DERA: variants seen among roughly 807,000 people sequenced by gnomAD.
DERA encodes the protein 2-deoxy-D-ribose 5-phosphate aldolase.
In DERA, 15 loss-of-function variants were observed where a neutral mutation model predicts 41.1. The ratio of observed to expected loss-of-function variants is 0.37; its 90% CI spans 0.24 to 0.56. DERA has a LOEUF of 0.56. DERA is among the 20% of genes least tolerant of loss of function. The pLI is 0.81. For missense variants in DERA, 396 were observed against 403.4 expected, an observed-to-expected ratio of 0.98 and a Z score of 0.16; for synonymous variants, 139 against 137.4, an observed-to-expected ratio of 1.01 and a Z score of -0.08.
intron 1 of DERA, among the ~76,000 whole-genome samples, chr12:15,946,045 C>A (rs561625687): frequency 3.5e-4 from 54 of 152,134 alleles, no homozygotes; most frequent in Middle Eastern, 6.8e-3. Flanking sequence ...GATTTGTGTA[C>A]GTTGAACCAG....
chr12:16,028,905 C>G (rs1405767543), intron 6 of DERA, among the ~76,000 whole-genome samples: 2 of 151,902 alleles, frequency 1.3e-5, no homozygotes, highest in African/African-American at 4.8e-5. Flanking sequence ...GGAGGCCTGA[C>G]AAATGTAGTA....
rs1471057106 is a variant in DERA, at chr12:15,918,967, G to A, written c.31+7553G>A. ...TTATACTATAATGGCTAAGAGTAAT[G>A]TTTTCATGAAGAAAGAAAAAAAATC... On this transcript the variant is annotated intron_variant, in intron 1 of 8. Coordinates refer to ENST00000428559, the MANE Select transcript of DERA (RefSeq NM_015954.4). The surrounding 1 kb of genome is among the most constrained non-coding windows in gnomAD (Gnocchi z 4.3). 1.3e-5 allele frequency among the ~76,000 whole-genome samples: 2 copies of A among 152,048 alleles called. No individual in the cohort carries two copies. Among genetic ancestry groups the A allele is most frequent in the Non-Finnish European group, 2.9e-5 (2 of 68,028 alleles).
intron 6 of DERA, among the ~76,000 whole-genome samples, chr12:16,024,662 G>A (rs1158131762): frequency 1.3e-5 from 2 of 150,636 alleles, no homozygotes; most frequent in Non-Finnish European, 2.9e-5. Flanking sequence ...AGCTCTGTCA[G>A]CTGTAATCCA....
At chr12:16,007,439 C>T (rs1364659791) in intron 6 of DERA, among the ~76,000 whole-genome samples, 4 of 152,202 alleles carry the variant, frequency 2.6e-5, no homozygotes, top group Non-Finnish European at 4.4e-5. Flanking sequence ...CTGCCTCAGC[C>T]TCCCAAAGTG....
rs1203152056 is a variant in DERA, at chr12:15,984,717, A to C, written c.637+2281A>C. Among the ~76,000 whole-genome samples the C allele has an allele frequency of 6.6e-6, 1 of 152,188 alleles. No individual in the cohort carries two copies. Among genetic ancestry groups the C allele is most frequent in the South Asian group, 2.1e-4 (1 of 4,826 alleles). ...ACACACTAGATTTTATCATGAATGA[A>C]AGACACAATCTTTGTGAGGCATAAT... On this transcript the variant is annotated intron_variant, in intron 6 of 8. Coordinates refer to ENST00000428559, the MANE Select transcript of DERA (RefSeq NM_015954.4). This position sits in a 1 kb window ranked among gnomAD's most constrained non-coding sequence, Gnocchi z 4.5.
rs1210544753 is a variant in DERA, at chr12:16,025,163, A to T, written c.638-7379A>T. 3.9e-5 allele frequency among the ~76,000 whole-genome samples: 6 copies of T among 152,292 alleles called. No homozygotes were observed. The East Asian group carries it at 1.2e-3, about 29-fold the overall frequency. On this transcript the variant is annotated intron_variant, in intron 6 of 8. Transcript: ENST00000428559. The stretch of plus-strand genomic sequence containing the variant: ...AATAGGTGTCAAAATTAACCAAAAA[A>T]ATGCAACAAATGGAAAAGTAATAAA...
At chr12:15,987,120 G>A (rs778208818) in intron 6 of DERA, among the ~76,000 whole-genome samples, 11 of 151,578 alleles carry the variant, frequency 7.3e-5, no homozygotes, top group Non-Finnish European at 1.2e-4. Flanking sequence ...GACCACAACC[G>A]ACCTAAGTAT....
rs1389558867 is a variant in DERA at position 15,982,740 on chromosome 12, T to TA, written c.637+305dup. ...TTCTTTGATTATTCACTCATCAACATATGTTAGACAGGAATTTCTTTGACT... is the reference window on the plus strand; with the variant it reads ...TTCTTTGATTATTCACTCATCAACATAATGTTAGACAGGAATTTCTTTGACT... On this transcript the variant is annotated intron_variant, in intron 6 of 8. Transcript: ENST00000428559. This position sits in a 1 kb window ranked among gnomAD's most constrained non-coding sequence, Gnocchi z 4.0. 6.6e-6 allele frequency among the ~76,000 whole-genome samples: 1 copy of TA among 152,204 alleles called. No homozygotes were observed. Among genetic ancestry groups the TA allele is most frequent in the Non-Finnish European group, 1.5e-5 (1 of 68,030 alleles).
intron 6 of DERA, among the ~76,000 whole-genome samples, chr12:16,007,630 G>C (rs760220631): frequency 6.6e-6 from 1 of 152,186 alleles, no homozygotes; most frequent in Non-Finnish European, 1.5e-5. Flanking sequence ...GGTTAGTGAG[G>C]CAGGCATGGC....
intron 4 of DERA, among the ~76,000 whole-genome samples, chr12:15,962,403 A>C (rs905289792): frequency 3.9e-5 from 6 of 152,348 alleles, no homozygotes; most frequent in Non-Finnish European, 8.8e-5. Context: ...AAATCAAGAT[A>C]GCTAACTTGA....
Position 16,021,895 on chromosome 12 carries a change from G to A in DERA, c.638-10647G>A, listed in dbSNP as rs931848736. The stretch of plus-strand genomic sequence containing the variant: ...CTTGTTTTTGATCTCAGGCTGACAG[G>A]TGGAAGGAACTCATCTCCAGATAAG... On this transcript the variant is annotated intron_variant, in intron 6 of 8. Transcript: ENST00000428559. This position sits in a 1 kb window ranked among gnomAD's most constrained non-coding sequence, Gnocchi z 5.3. 1.3e-5 allele frequency among the ~76,000 whole-genome samples: 2 copies of A among 152,190 alleles called. No individual in the cohort carries two copies.
In DERA at chr12:16,036,099, C is replaced by G. The variant is rs1441551167; in HGVS notation, c.751-133C>G. ...TGAGTCACTGATCTAAGCCCTTTCA[C>G]TGGATGAAGTGAAAAGATTTTTTTT... On this transcript the variant is annotated intron_variant, in intron 7 of 8. Transcript: ENST00000428559. This position sits in a 1 kb window ranked among gnomAD's most constrained non-coding sequence, Gnocchi z 4.9. The G allele has an allele frequency of 3.6e-6, 3 of 834,756 alleles. No individual in the cohort carries two copies. The highest frequency in any genetic ancestry group is 5.0e-6 in the Non-Finnish European group (3 of 599,848). The allele number at this position is 834,756 out of a possible 1,614,324, so 51.7% of individuals were successfully genotyped here.
intron 1 of DERA, among the ~76,000 whole-genome samples, chr12:15,947,343 A>T (rs1565591901): frequency 6.6e-6 from 1 of 152,156 alleles, no homozygotes. Flanking sequence ...TGGGAGTCTG[A>T]GTCTCTTTGT....
At chr12:15,920,734 G>C (rs2136124427) in intron 1 of DERA, among the ~76,000 whole-genome samples, 1 of 152,334 alleles carries the variant, frequency 6.6e-6, no homozygotes, top group South Asian at 2.1e-4. Flanking sequence ...TACTCGCGAG[G>C]CTGAGGCAGG....
At chr12:15,923,228 T>C (rs1948258136) in intron 1 of DERA, among the ~76,000 whole-genome samples, 1 of 151,636 alleles carries the variant, frequency 6.6e-6, no homozygotes, top group Non-Finnish European at 1.5e-5. Context: ...TTCACCGTTT[T>C]AGCCGGGATG....
Position 15,967,908 on chromosome 12 carries a change from T to C in DERA, c.508+4961T>C, listed in dbSNP as rs1233284404. Among the ~76,000 whole-genome samples, 7 of 152,162 alleles carry C rather than the reference T, an allele frequency of 4.6e-5. No individual in the cohort carries two copies. On this transcript the variant is annotated intron_variant, in intron 5 of 8. Transcript: ENST00000428559. The surrounding 1 kb of genome is among the most constrained non-coding windows in gnomAD (Gnocchi z 4.9). ...TTTTCAAATGATTTGCCCCAGCTGC[T>C]TTCCTGACAGGATTAGCATATCCCC... is the stretch of plus-strand genomic sequence containing the variant.
chr12:16,029,913 CTTTTTTTTTTT>C (rs71438364), intron 6 of DERA, among the ~76,000 whole-genome samples: 2 of 59,688 alleles, frequency 3.4e-5, no homozygotes, highest in African/African-American at 6.6e-5. Context: ...TAGCCTTGGT[CTTTTTTTTTTT>C]TTTTTTTTTT....
chr12:15,957,962 A>G lies in DERA; in HGVS notation c.130-226A>G, dbSNP rs954730503. On this transcript the variant is annotated intron_variant, in intron 2 of 8. Transcript: ENST00000428559. This position sits in a 1 kb window ranked among gnomAD's most constrained non-coding sequence, Gnocchi z 4.8. ...TTGGGATATCTGTGGGAGAAAAAAAATGTTTAAGCCTACTCTTCCTCCCTT... is the reference window on the plus strand; with the variant it reads ...TTGGGATATCTGTGGGAGAAAAAAAGTGTTTAAGCCTACTCTTCCTCCCTT... 6.6e-6 allele frequency among the ~76,000 whole-genome samples: 1 copy of G among 152,080 alleles called. No homozygotes were observed. Among genetic ancestry groups the G allele is most frequent in the Non-Finnish European group, 1.5e-5 (1 of 67,996 alleles).
intron 1 of DERA, chr12:15,916,174 GTAGATTATGAGA>G (rs1948197230): frequency 1.3e-5 from 2 of 152,156 alleles, no homozygotes; most frequent in African/African-American, 4.8e-5. Context: ...CCAAACTTTG[GTAGATTATGAGA>G]GTAGGGTTCG....
Sources: gnomAD v4.1 joint callset for allele counts (sites outside exome capture counted in the v4.1 genomes callset) on GRCh38, gnomAD v4.1.1 for gene constraint, Gnocchi (gnomAD v3.1) non-coding constraint, MANE v1.5 for transcripts, NCBI Gene and HGNC (gene_info 2026-07-23, HGNC 2026-07-21) for gene names.